C3orf33: variants seen among roughly 807,000 people sequenced by gnomAD.
The protein encoded by C3orf33 is AP-1 activity suppressor.
Under a neutral mutation model 28.7 loss-of-function variants are expected in C3orf33, and 23 were observed. That is an observed-to-expected ratio of 0.80 (90% confidence interval 0.58 to 1.13). C3orf33 has a LOEUF of 1.13. C3orf33 is among the 50% of genes most tolerant of loss of function. The pLI is 0.00. For synonymous variants in C3orf33, 119 were observed against 120.5 expected (o/e 0.99, Z 0.08); for missense variants, 327 against 353.4 (o/e 0.93, Z 0.60).
chr3:155,804,818 T>G (rs1751763964), intron 1 of C3orf33, among the ~76,000 whole-genome samples: 1 of 152,190 alleles, frequency 6.6e-6, no homozygotes, highest in Non-Finnish European at 1.5e-5. Flanking sequence ...ATTCCCAATG[T>G]TCTATGTCAG....
chr3:155,780,918 CA>C (rs1490973339), intron 2 of C3orf33, among the ~76,000 whole-genome samples: 3 of 151,780 alleles, frequency 2.0e-5, no homozygotes, highest in Admixed American at 1.3e-4. Flanking sequence ...AAGAAAAGTC[CA>C]AAAAACTACA....
chr3:155,778,651 A>T (rs1750825922), intron 2 of C3orf33, among the ~76,000 whole-genome samples: 1 of 152,244 alleles, frequency 6.6e-6, no homozygotes, highest in African/African-American at 2.4e-5. Context: ...TGCTAAATCA[A>T]ACCACAAAGA....
chr3:155,775,618 G>A (rs1041479819), intron 3 of C3orf33, 83 bp downstream of exon 3: 4 of 953,402 alleles, frequency 4.2e-6, no homozygotes, highest in Non-Finnish European at 6.0e-6. Flanking sequence ...GAATTAAAAT[G>A]ACTTTTTTTT....
rs1054521697 is a variant in C3orf33 at position 155,806,245 on chromosome 3, C to T, written c.8G>A (p.Gly3Glu). 7.5e-6 allele frequency: 11 copies of T among 1,469,106 alleles called. No homozygotes were observed. In the African/African-American group the frequency reaches 1.4e-4, roughly 19 times the overall value. 91.0% of individuals were successfully genotyped at this position (1,469,106 alleles called of 1,614,324 possible). ...CGGCGAGCCGGTGGCCGCGGGCTGC[C>T]CCGCCATGTTCCCGGCCTCCTGCGA... Reference protein sequence around the residue: MAGQPAATGSPSA... With the variant: MAEQPAATGSPSA... The change falls in exon 1 of 5, where the codon GGG becomes GAG. Residue 3 changes from glycine (G) to glutamate (E), a missense_variant. Transcript: ENST00000340171.
At chr3:155,801,586 T>C (rs1299912199) in intron 2 of C3orf33, among the ~76,000 whole-genome samples, 1 of 152,014 alleles carries the variant, frequency 6.6e-6, no homozygotes, top group Non-Finnish European at 1.5e-5. Flanking sequence ...TGGATGAATC[T>C]TAGTAATACC....
intron 2 of C3orf33, among the ~76,000 whole-genome samples, chr3:155,786,106 G>A (rs1420573682): frequency 6.7e-6 from 1 of 148,726 alleles, no homozygotes; most frequent in Non-Finnish European, 1.5e-5. Context: ...AAAAAGGGAA[G>A]GGGAAATGGG....
chr3:155,774,494 T>C (rs1750680209), intron 3 of C3orf33, among the ~76,000 whole-genome samples: 1 of 152,078 alleles, frequency 6.6e-6, no homozygotes, highest in South Asian at 2.1e-4. Context: ...GGTCTGTGTG[T>C]CTGGGTGCTT....
At chr3:155,777,140 C>A (rs1750774360) in intron 2 of C3orf33, among the ~76,000 whole-genome samples, 1 of 151,716 alleles carries the variant, frequency 6.6e-6, no homozygotes, top group South Asian at 2.1e-4. Flanking sequence ...CATGGAGAAA[C>A]CTCATCTCTA....
At chr3:155,774,775 G>C (rs1338636756) in intron 3 of C3orf33, among the ~76,000 whole-genome samples, 1 of 148,046 alleles carries the variant, frequency 6.8e-6, no homozygotes, top group Non-Finnish European at 1.5e-5. Flanking sequence ...CAAAAGATTG[G>C]ATACCCCTGT....
At chr3:155,773,547 A>G (rs980993557) in intron 3 of C3orf33, among the ~76,000 whole-genome samples, 1 of 152,354 alleles carries the variant, frequency 6.6e-6, no homozygotes, top group Admixed American at 6.5e-5. Flanking sequence ...TGGGAATTTA[A>G]GGACTTCTAA....
intron 3 of C3orf33, among the ~76,000 whole-genome samples, chr3:155,770,962 C>G (rs1396235376): frequency 7.7e-6 from 1 of 129,926 alleles, no homozygotes; most frequent in African/African-American, 3.0e-5. Context: ...GCATGAACCA[C>G]TGTGTGTGTG....
intron 2 of C3orf33, among the ~76,000 whole-genome samples, chr3:155,798,287 T>C (rs358699): frequency 0.23 from 35,004 of 151,998 alleles, 4,868 homozygotes; most frequent in East Asian, 0.57. Flanking sequence ...CAAATTTCTA[T>C]GGAGCCATAA....
intron 2 of C3orf33, among the ~76,000 whole-genome samples, chr3:155,781,929 A>T (rs1689308677): frequency 6.6e-6 from 1 of 151,362 alleles, no homozygotes; most frequent in African/African-American, 2.4e-5. Flanking sequence ...ACAAAAAATT[A>T]GCCGGGTGTG....
chr3:155,780,441 A>G (rs140888774), intron 2 of C3orf33, among the ~76,000 whole-genome samples: 4 of 152,370 alleles, frequency 2.6e-5, no homozygotes, highest in Admixed American at 6.5e-5. Flanking sequence ...ATAAAAATCA[A>G]CCTTGATCAA....
chr3:155,770,962 C>CTGTGTGTGTG (rs3068982), intron 3 of C3orf33, among the ~76,000 whole-genome samples: 8,946 of 129,770 alleles, frequency 0.069, 845 homozygotes, highest in African/African-American at 0.16. Context: ...GCATGAACCA[C>CTGTGTGTGTG]TGTGTGTGTG....
intron 2 of C3orf33, among the ~76,000 whole-genome samples, chr3:155,782,622 T>G (rs1259585986): frequency 6.6e-6 from 1 of 152,112 alleles, no homozygotes; most frequent in Non-Finnish European, 1.5e-5. Context: ...GCAAGAAAAC[T>G]ATAAACCAAG....
intron 1 of C3orf33, 113 bp from the exon 2 acceptor site, chr3:155,802,704 A>C (rs531966705): frequency 1.3e-6 from 1 of 743,144 alleles, no homozygotes; most frequent in Non-Finnish European, 2.2e-6. Flanking sequence ...TAATGTGTAT[A>C]AACAATGTAT....
intron 2 of C3orf33, among the ~76,000 whole-genome samples, chr3:155,801,101 T>G (rs184216348): frequency 1.4e-4 from 21 of 152,080 alleles, no homozygotes; most frequent in African/African-American, 4.8e-4. Flanking sequence ...TCACTTGAGG[T>G]CAAGAGTTCG....
intron 3 of C3orf33, among the ~76,000 whole-genome samples, chr3:155,769,409 A>T (rs1304961954): frequency 6.6e-6 from 1 of 151,350 alleles, no homozygotes; most frequent in South Asian, 2.1e-4. Context: ...AATCACTTCA[A>T]TCTAGGAGGC....
Sources: allele counts gnomAD v4.1 joint callset (sites outside exome capture counted in the v4.1 genomes callset), GRCh38; gene constraint gnomAD v4.1.1; transcripts MANE v1.5; gene names NCBI Gene and HGNC (gene_info 2026-07-23, HGNC 2026-07-21).